Variants in ITGB8 observed in about 807,000 individuals in gnomAD.
ITGB8 encodes integrin subunit beta 8.
In ITGB8, 30 loss-of-function variants were observed where a neutral mutation model predicts 89.5. The ratio of observed to expected loss-of-function variants is 0.34; its 90% CI spans 0.25 to 0.45. ITGB8 has a LOEUF of 0.45. Ranked by LOEUF, ITGB8 falls within the 20% of genes least tolerant of loss-of-function variation. The pLI, the probability that ITGB8 is intolerant of heterozygous loss-of-function variation, is 1.00. For missense variants in ITGB8, 836 were observed against 933.3 expected (o/e 0.90, Z 1.36); for synonymous variants, 335 against 320.4 (o/e 1.05, Z -0.49).
At chr7:20,333,888 T>C (rs1421270483) in intron 1 of ITGB8, among the ~76,000 whole-genome samples, 1 of 147,518 alleles carries the variant, frequency 6.8e-6, no homozygotes, top group Non-Finnish European at 1.5e-5. Context: ...TTTTGTGATA[T>C]AGCTACAAGT....
At chr7:20,405,320 T>C (rs1225576550) in intron 11 of ITGB8, among the ~76,000 whole-genome samples, 1 of 146,146 alleles carries the variant, frequency 6.8e-6, no homozygotes, top group Admixed American at 6.7e-5. Context: ...ATTTAATATA[T>C]ATATATATTT....
chr7:20,415,547 C>A lies in ITGB8; in HGVS notation c.*5550C>A, dbSNP rs1787899724. 1 of 152,400 alleles carries A rather than the reference C, an allele frequency of 6.6e-6. No individual in the cohort carries two copies. The highest frequency in any genetic ancestry group is 2.4e-5 in the African/African-American group (1 of 41,418). 9.4% of individuals were successfully genotyped at this position (152,400 alleles called of 1,614,324 possible). ...ATACTTTCACATAATATACTATGAA[C>A]CTGTTCATATAACTCTGATTGACTA... On this transcript the variant is annotated 3_prime_UTR_variant, in exon 14 of 14. Coordinates refer to ENST00000222573, the MANE Select transcript of ITGB8 (RefSeq NM_002214.3).
chr7:20,336,781 A>C (rs2128125366), intron 1 of ITGB8, among the ~76,000 whole-genome samples: 1 of 152,300 alleles, frequency 6.6e-6, no homozygotes. Flanking sequence ...TGAGGGAAGA[A>C]GCTGCCTGTA....
intron 6 of ITGB8, among the ~76,000 whole-genome samples, chr7:20,390,055 A>G (rs1032241243): frequency 4.6e-5 from 7 of 152,190 alleles, no homozygotes; most frequent in African/African-American, 1.7e-4. Flanking sequence ...AACTTACGTT[A>G]TAAGTGAAAC....
At chr7:20,380,472 T>G (rs1786332567) in intron 4 of ITGB8, 194 bp from the exon 5 acceptor site, 2 of 544,472 alleles carry the variant, frequency 3.7e-6, no homozygotes, top group Non-Finnish European at 3.2e-6. Context: ...TAGTCTTATT[T>G]CCTATTTGCA....
chr7:20,390,492 A>G (rs980156752), intron 6 of ITGB8, among the ~76,000 whole-genome samples: 1 of 152,074 alleles, frequency 6.6e-6, no homozygotes, highest in Non-Finnish European at 1.5e-5. Flanking sequence ...TTTTATTTCA[A>G]TTTTCCTACT....
chr7:20,358,035 G>A (rs1785358830), intron 1 of ITGB8, among the ~76,000 whole-genome samples: 1 of 152,044 alleles, frequency 6.6e-6, no homozygotes, highest in Non-Finnish European at 1.5e-5. Context: ...GCATGATCTT[G>A]GCTCACTGCA....
chr7:20,339,702 T>G (rs1205775022), intron 1 of ITGB8, among the ~76,000 whole-genome samples: 1 of 152,190 alleles, frequency 6.6e-6, no homozygotes, highest in African/African-American at 2.4e-5. Flanking sequence ...TAAAGATGCT[T>G]CTATTTTGAG....
chr7:20,350,699 C>T (rs895889760), intron 1 of ITGB8, among the ~76,000 whole-genome samples: 4 of 152,204 alleles, frequency 2.6e-5, no homozygotes, highest in African/African-American at 9.7e-5. Context: ...CCGAGGCCAG[C>T]GAATAGGCAG....
intron 1 of ITGB8, among the ~76,000 whole-genome samples, chr7:20,357,834 C>T (rs115379535): frequency 6.6e-6 from 1 of 152,232 alleles, no homozygotes; most frequent in East Asian, 1.9e-4. Flanking sequence ...ATATAAGACA[C>T]ACAGCACATG....
rs528066224 is a variant in ITGB8, at chr7:20,412,150, T to C, written c.*2153T>C. On this transcript the variant is annotated 3_prime_UTR_variant, in exon 14 of 14. Coordinates refer to ENST00000222573, the MANE Select transcript of ITGB8 (RefSeq NM_002214.3). ...CTAAAGAGAACTGAAAAACCTATAA[T>C]AAGTTGTTCTGGAGCCAATAAACAC... 8 of 152,700 alleles carry C rather than the reference T, an allele frequency of 5.2e-5. No individual in the cohort carries two copies. The highest frequency in any genetic ancestry group is 1.9e-4 in the African/African-American group (8 of 41,560). 9.5% of individuals were successfully genotyped at this position (152,700 alleles called of 1,614,324 possible). A position where few individuals can be genotyped will look rare whatever the true frequency, so the allele number is the denominator to read the frequency against.
intron 6 of ITGB8, among the ~76,000 whole-genome samples, chr7:20,390,957 TTGAA>T (rs910068359): frequency 4.6e-5 from 7 of 152,092 alleles, no homozygotes; most frequent in African/African-American, 9.6e-5. Context: ...ATGTGGATGT[TTGAA>T]TGTGTATGTG....
intron 1 of ITGB8, among the ~76,000 whole-genome samples, chr7:20,347,364 G>A (rs1175802868): frequency 1.3e-5 from 2 of 152,092 alleles, no homozygotes; most frequent in Non-Finnish European, 2.9e-5. Context: ...CAATGTATGT[G>A]GTGATTTTTA....
intron 6 of ITGB8, among the ~76,000 whole-genome samples, chr7:20,385,154 C>T (rs2127966227): frequency 6.6e-6 from 1 of 152,290 alleles, no homozygotes; most frequent in East Asian, 1.9e-4. Context: ...GTTCACCCAC[C>T]CCTTGGTGGA....
chr7:20,380,968 C>A (rs916704985), intron 5 of ITGB8, 137 bp downstream of exon 5: 21 of 698,782 alleles, frequency 3.0e-5, no homozygotes, highest in Admixed American at 1.4e-4. Flanking sequence ...TTACTCCTCA[C>A]CAAGGTGATT....
intron 9 of ITGB8, chr7:20,399,200 AATATGT>A (rs1342093420): frequency 1.8e-6 from 1 of 557,746 alleles, no homozygotes; most frequent in East Asian, 3.0e-5. Context: ...CTCAGGTTTT[AATATGT>A]ATATGTGTGT....
chr7:20,368,626 T>C (rs1404920286), intron 3 of ITGB8, among the ~76,000 whole-genome samples: 1 of 152,228 alleles, frequency 6.6e-6, no homozygotes, highest in Non-Finnish European at 1.5e-5. Flanking sequence ...CCTATATCAT[T>C]TGCCTCTAAT....
intron 3 of ITGB8, among the ~76,000 whole-genome samples, chr7:20,374,035 C>T (rs1326973701): frequency 6.6e-6 from 1 of 152,174 alleles, no homozygotes; most frequent in African/African-American, 2.4e-5. Flanking sequence ...CTCACTTCTT[C>T]CCGTTAAAAT....
chr7:20,373,646 T>TA (rs1490240454), intron 3 of ITGB8, among the ~76,000 whole-genome samples: 2 of 152,192 alleles, frequency 1.3e-5, no homozygotes, highest in Non-Finnish European at 2.9e-5. Context: ...TTCCTCACTT[T>TA]ATTTCCCACA....
Sources: allele counts gnomAD v4.1 joint callset (sites outside exome capture counted in the v4.1 genomes callset), GRCh38; gene constraint gnomAD v4.1.1; transcripts MANE v1.5; gene names NCBI Gene and HGNC (gene_info 2026-07-23, HGNC 2026-07-21).